Variants in POGZ observed in about 807,000 individuals in gnomAD.
POGZ encodes the protein pogo transposable element with ZNF domain.
In POGZ, 17 loss-of-function variants were observed where a neutral mutation model predicts 134.6. The ratio of observed to expected loss-of-function variants is 0.13; its 90% confidence interval spans 0.09 to 0.19. POGZ has a LOEUF of 0.19. Among genes scored for constraint, POGZ ranks in the 10% least tolerant of loss-of-function variants. The pLI is 1.00. For synonymous variants in POGZ, 693 were observed against 657.1 expected (o/e 1.05, Z -0.84); for missense variants, 1,306 against 1,769.7 (o/e 0.74, Z 4.70).
At chr1:151,447,664 T>C (rs2102400947) in intron 1 of POGZ, among the ~76,000 whole-genome samples, 1 of 146,332 alleles carries the variant, frequency 6.8e-6, no homozygotes, top group East Asian at 2.0e-4. Flanking sequence ...TTTTTTTTTT[T>C]TTTTTGGTAG....
intron 1 of POGZ, among the ~76,000 whole-genome samples, chr1:151,456,464 C>T (rs1662782719): frequency 6.6e-6 from 1 of 152,144 alleles, no homozygotes; most frequent in African/African-American, 2.4e-5. Context: ...GTGTGAAAAA[C>T]CATAGTCTGC....
chr1:151,452,528 T>C (rs1427401533), intron 1 of POGZ, among the ~76,000 whole-genome samples: 1 of 152,024 alleles, frequency 6.6e-6, no homozygotes, highest in Non-Finnish European at 1.5e-5. Flanking sequence ...TAGATACTAG[T>C]ATGCCAACTT....
chr1:151,458,485 AG>A (rs1663041704), intron 1 of POGZ, among the ~76,000 whole-genome samples: 2 of 151,978 alleles, frequency 1.3e-5, no homozygotes, highest in Admixed American at 1.3e-4. Flanking sequence ...ACATAACACA[AG>A]GGATCGGCTC....
At chr1:151,446,783 A>G (rs1661342479) in intron 1 of POGZ, among the ~76,000 whole-genome samples, 1 of 151,206 alleles carries the variant, frequency 6.6e-6, no homozygotes, top group African/African-American at 2.4e-5. Context: ...AAAAAAAGGA[A>G]AACTTGGATG....
At chr1:151,409,810 T>C (rs1654350720) in intron 12 of POGZ, among the ~76,000 whole-genome samples, 1 of 152,240 alleles carries the variant, frequency 6.6e-6, no homozygotes, top group Non-Finnish European at 1.5e-5. Context: ...AACACATCAG[T>C]ATATACAGAT....
chr1:151,429,545 A>G, intron 5 of POGZ, 58 bp downstream of exon 5: 1 of 865,480 alleles, frequency 1.2e-6, no homozygotes, highest in Non-Finnish European at 1.9e-6. Context: ...ATTTAGAACA[A>G]TAAAAACAAA....
At chr1:151,458,831 G>A (rs1254282255) in intron 1 of POGZ, among the ~76,000 whole-genome samples, 4 of 145,520 alleles carry the variant, frequency 2.7e-5, no homozygotes, top group Admixed American at 1.4e-4. Flanking sequence ...GCGCCGCGGC[G>A]GGCGCCGGGG....
intron 1 of POGZ, among the ~76,000 whole-genome samples, chr1:151,452,097 C>CAAAAAAAAAA (rs574531921): frequency 1.7e-5 from 1 of 59,034 alleles, no homozygotes. Flanking sequence ...GACTCCGTCT[C>CAAAAAAAAAA]AAAAAAAAAA....
chr1:151,407,993 C>T, intron 15 of POGZ, 107 bp downstream of exon 15: 1 of 832,838 alleles, frequency 1.2e-6, no homozygotes, highest in Non-Finnish European at 1.8e-6. Flanking sequence ...GCCTAGGGGA[C>T]AGAGTGAGAC....
chr1:151,420,849 T>C (rs942482084), intron 10 of POGZ, among the ~76,000 whole-genome samples: 2 of 152,148 alleles, frequency 1.3e-5, no homozygotes, highest in African/African-American at 2.4e-5. Flanking sequence ...GAATAAAATA[T>C]GCTGTTAAAA....
At chr1:151,417,352 G>A (rs2479379) in intron 10 of POGZ, among the ~76,000 whole-genome samples, 23,594 of 149,836 alleles carry the variant, frequency 0.16, 2,139 homozygotes, top group East Asian at 0.34. Flanking sequence ...ATGAGGCTCC[G>A]CGCCCGGCCC....
At chr1:151,446,623 G>C (rs921269461) in intron 1 of POGZ, among the ~76,000 whole-genome samples, 11 of 151,866 alleles carry the variant, frequency 7.2e-5, no homozygotes, top group South Asian at 2.1e-4. Context: ...AGGTGTGGTG[G>C]CACACGCCTG....
Position 151,404,935 on chromosome 1 carries a change from G to A in POGZ, c.4100C>T (p.Ser1367Phe), listed in dbSNP as rs769182232. ...AGGAGATGATCTGGGTCGTGGAGTG[G>A]AAGACTCAGAATGTTCCCCACTCAG... ...LKLSGEHSESSTPRPRSSPEE... is the reference protein window; with the variant it reads ...LKLSGEHSESFTPRPRSSPEE... The change falls in exon 19 of 19, where the codon TCC becomes TTC. Residue 1367 changes from serine (S) to phenylalanine (F), a missense_variant. Ser to Phe is a radical substitution (Grantham distance 155, BLOSUM62 -2). This residue lies in a region of POGZ where 107 missense variants were observed against 97.9 expected (regional missense o/e 1.09). Coordinates refer to ENST00000271715, the MANE Select transcript of POGZ (RefSeq NM_015100.4). 1.2e-6 allele frequency: 2 copies of A among 1,614,206 alleles called. No homozygotes were observed. The highest frequency in any genetic ancestry group is 1.7e-6 in the Non-Finnish European group (2 of 1,180,048).
intron 10 of POGZ, among the ~76,000 whole-genome samples, chr1:151,421,001 A>ATATATATATATG (rs1656806951): frequency 6.7e-6 from 1 of 149,732 alleles, no homozygotes; most frequent in Non-Finnish European, 1.5e-5. Flanking sequence ...ATATATATAT[A>ATATATATATATG]TATATACCTA....
In POGZ at chr1:151,446,780, GGAAAACTTGGATGGGCA is replaced by G. The variant is rs1184101948; in HGVS notation, c.-1-4592_-1-4576del. Among the ~76,000 whole-genome samples, 8 of 132,190 alleles carry G rather than the reference GGAAAACTTGGATGGGCA, an allele frequency of 6.1e-5. No homozygotes were observed. The East Asian group carries it at 2.1e-3, about 34-fold the overall frequency. The allele number at this position is 132,190 out of a possible 152,430, so 86.7% of individuals were successfully genotyped here. A position where few individuals can be genotyped will look rare whatever the true frequency, so the allele number is the denominator to read the frequency against. ...CAAAAAAAAAAAAAAAAAAAAAAAA[GGAAAACTTGGATGGGCA>G]GTAAATTTGGGAATCATACTGCAAC... On this transcript the variant is annotated intron_variant, in intron 1 of 18. Coordinates refer to ENST00000271715, the MANE Select transcript of POGZ (RefSeq NM_015100.4).
At chr1:151,429,212 G>A (rs1447428627) in intron 5 of POGZ, among the ~76,000 whole-genome samples, 1 of 150,612 alleles carries the variant, frequency 6.6e-6, no homozygotes, top group African/African-American at 2.4e-5. Context: ...AATGTCATTT[G>A]TTTATATCTA....
chr1:151,418,747 T>C (rs2102239370), intron 10 of POGZ, among the ~76,000 whole-genome samples: 1 of 152,020 alleles, frequency 6.6e-6, no homozygotes, highest in East Asian at 1.9e-4. Flanking sequence ...ACTTTTGGGC[T>C]GGGCACGGTG....
At chr1:151,430,904 C>CTTTTTAT (rs1184790475) in intron 3 of POGZ, 63 bp from the exon 4 acceptor site, 1 of 413,930 alleles carries the variant, frequency 2.4e-6, no homozygotes, top group African/African-American at 2.2e-5. Flanking sequence ...CCACATTTTA[C>CTTTTTAT]TTTATTTTAT....
At chr1:151,458,588 C>T (rs1663062085) in intron 1 of POGZ, among the ~76,000 whole-genome samples, 1 of 149,678 alleles carries the variant, frequency 6.7e-6, no homozygotes, top group South Asian at 2.1e-4. Flanking sequence ...GCACCCCCAC[C>T]CCCAGGGGCC....
Sources: allele counts gnomAD v4.1 joint callset (sites outside exome capture counted in the v4.1 genomes callset), GRCh38; gene constraint gnomAD v4.1.1; regional missense constraint gnomAD v4.1.1; transcripts MANE v1.5; gene names NCBI Gene and HGNC (gene_info 2026-07-23, HGNC 2026-07-21).